The following DRG1 variants were observed in gnomAD, a reference collection of about 807,000 sequenced individuals.
DRG1 encodes the protein developmentally regulated GTP binding protein 1, also known as developmentally-regulated GTP-binding protein 1.
In DRG1, 19 loss-of-function variants were observed where a neutral mutation model predicts 38.8. The ratio of observed to expected loss-of-function variants is 0.49; its 90% confidence interval spans 0.34 to 0.72. The LOEUF (loss-of-function observed/expected upper bound fraction) is 0.72, where lower values mean the gene tolerates loss of function less well. Among genes scored for constraint, DRG1 ranks in the 30% least tolerant of loss-of-function variants. The pLI is 0.01. For missense variants in DRG1, 299 were observed against 444.8 expected, an observed-to-expected ratio of 0.67 and a Z score of 2.95; for synonymous variants, 167 against 157.5, an observed-to-expected ratio of 1.06 and a Z score of -0.45.
intron 6 of DRG1, among the ~76,000 whole-genome samples, chr22:31,424,673 T>C (rs1445942856): frequency 6.6e-6 from 1 of 151,214 alleles, no homozygotes; most frequent in Non-Finnish European, 1.5e-5. Flanking sequence ...TAATTTTTTG[T>C]ATTTTTAGTA....
Position 31,424,021 on chromosome 22 carries a change from C to T in DRG1, c.713+611C>T, listed in dbSNP as rs572397013. 1.1e-4 allele frequency among the ~76,000 whole-genome samples: 17 copies of T among 151,750 alleles called. No homozygotes were observed. The East Asian group carries it at 3.1e-3, about 28-fold the overall frequency. ...CTGGGATTACAGGCCTGTGCCGCCA[C>T]GCCTGGCTAATTTTGTATTTTTAAT... On this transcript the variant is annotated intron_variant, in intron 6 of 8. Coordinates refer to ENST00000331457, the MANE Select transcript of DRG1 (RefSeq NM_004147.4).
At chr22:31,428,604 A>C (rs2081409898) in intron 8 of DRG1, among the ~76,000 whole-genome samples, 1 of 152,216 alleles carries the variant, frequency 6.6e-6, no homozygotes, top group Admixed American at 6.5e-5. Context: ...CATTGGTATG[A>C]TGTTGTTAAC....
At chr22:31,421,634 G>T (rs879647486) in intron 5 of DRG1, among the ~76,000 whole-genome samples, 38 of 151,916 alleles carry the variant, frequency 2.5e-4, no homozygotes, top group Non-Finnish European at 1.9e-4. Context: ...CACTTTGGGA[G>T]GTTGAGGCAG....
intron 4 of DRG1, 94 bp from the exon 5 acceptor site, chr22:31,420,162 T>G (rs1388308766): frequency 2.8e-6 from 4 of 1,420,552 alleles, no homozygotes; most frequent in African/African-American, 1.4e-5. Flanking sequence ...CTTTGACACT[T>G]AAATGTAGGG....
chr22:31,400,498 CTT>C (rs2049954951), intron 1 of DRG1, 120 bp from the exon 2 acceptor site: 1 of 1,300,556 alleles, frequency 7.7e-7, no homozygotes, highest in Admixed American at 2.2e-5. Context: ...GACTTTTACT[CTT>C]TTAAAGCCTG....
At chr22:31,430,487 C>T (rs2050132830) in intron 8 of DRG1, among the ~76,000 whole-genome samples, 1 of 151,702 alleles carries the variant, frequency 6.6e-6, no homozygotes, top group Admixed American at 6.6e-5. Context: ...GCAAGCTCTG[C>T]TTCCCGGGTT....
chr22:31,411,359 A>T (rs553421321), intron 4 of DRG1, among the ~76,000 whole-genome samples: 4 of 151,740 alleles, frequency 2.6e-5, no homozygotes, highest in Non-Finnish European at 5.9e-5. Context: ...GTATTGGACA[A>T]TGCAGCTTTA....
chr22:31,430,773 C>T (rs1173383097), intron 8 of DRG1, among the ~76,000 whole-genome samples: 8 of 152,128 alleles, frequency 5.3e-5, no homozygotes, highest in East Asian at 3.9e-4. Flanking sequence ...GGCTGGAGTG[C>T]GGTGGCTCTG....
intron 4 of DRG1, among the ~76,000 whole-genome samples, chr22:31,414,846 C>A (rs545903297): frequency 6.7e-6 from 1 of 150,306 alleles, no homozygotes; most frequent in African/African-American, 2.5e-5. Flanking sequence ...GTGGCATGAT[C>A]ACAGCTCACT....
chr22:31,399,650 G>A lies in DRG1; in HGVS notation c.-34G>A. The A allele has an allele frequency of 6.2e-7, 1 of 1,614,018 alleles. No homozygotes were observed. The highest frequency in any genetic ancestry group is 8.5e-7 in the Non-Finnish European group (1 of 1,179,878). ...CAGTTTGCCCGCGGGTGTGTGAAGG[G>A]AGACAGTGTGGAGGCCACAGGGTAC... On this transcript the variant is annotated 5_prime_UTR_variant, in exon 1 of 9. Transcript: ENST00000331457.
intron 4 of DRG1, among the ~76,000 whole-genome samples, chr22:31,412,266 C>T (rs2145862571): frequency 6.6e-6 from 1 of 150,512 alleles, no homozygotes; most frequent in African/African-American, 2.4e-5. Flanking sequence ...CAGAGTGAGC[C>T]TCTGTGTTAG....
chr22:31,399,880 T>C (rs4820047), intron 1 of DRG1, among the ~76,000 whole-genome samples, 155 bp downstream of exon 1: 151,388 of 152,174 alleles, frequency 0.99, 75,306 homozygotes, highest in Middle Eastern at 1. Flanking sequence ...TCTGCCACGA[T>C]TAGGAGTCCC....
intron 4 of DRG1, among the ~76,000 whole-genome samples, chr22:31,412,648 C>T (rs998811799): frequency 2.5e-4 from 38 of 151,796 alleles, no homozygotes; most frequent in African/African-American, 8.9e-4. Flanking sequence ...CGTGCCTGGC[C>T]CTCTCTTTCT....
At chr22:31,402,904 T>A in intron 2 of DRG1, 125 bp from the exon 3 acceptor site, 2 of 1,089,710 alleles carry the variant, frequency 1.8e-6, no homozygotes, top group Admixed American at 5.5e-5. Context: ...CCTTTAAAGG[T>A]AAACCATAAA....
chr22:31,404,151 C>G (rs997217014), intron 3 of DRG1, among the ~76,000 whole-genome samples: 8 of 151,602 alleles, frequency 5.3e-5, no homozygotes, highest in African/African-American at 1.9e-4. Context: ...ATGGTGCTCT[C>G]TTTCCTCCCT....
At chr22:31,414,576 C>A (rs1180658001) in intron 4 of DRG1, among the ~76,000 whole-genome samples, 1 of 152,152 alleles carries the variant, frequency 6.6e-6, no homozygotes, top group East Asian at 1.9e-4. Context: ...ATCTTTTTTT[C>A]CCTTTCATCC....
chr22:31,433,991 C>A lies in DRG1; in HGVS notation c.*20C>A. ...AAGTGAAACCTTTCCCTTTTCCCAT[C>A]TGCCGGACGAACCACAACAGCGTTC... is the stretch of plus-strand genomic sequence containing the variant. On this transcript the variant is annotated 3_prime_UTR_variant, in exon 9 of 9. Coordinates refer to ENST00000331457, the MANE Select transcript of DRG1 (RefSeq NM_004147.4). 1 of 1,609,036 alleles carries A rather than the reference C, an allele frequency of 6.2e-7. No homozygotes were observed. The highest frequency in any genetic ancestry group is 8.5e-7 in the Non-Finnish European group (1 of 1,175,930).
intron 4 of DRG1, among the ~76,000 whole-genome samples, chr22:31,419,367 T>A (rs1198033762): frequency 1.3e-5 from 2 of 151,902 alleles, no homozygotes; most frequent in African/African-American, 4.8e-5. Flanking sequence ...TTTTTTTTTT[T>A]TTTATACAGA....
intron 6 of DRG1, 113 bp downstream of exon 6, chr22:31,423,523 CTTTTTTTTT>C: frequency 1.9e-5 from 9 of 478,098 alleles, no homozygotes; most frequent in Non-Finnish European, 2.9e-5. Flanking sequence ...GTCCTACTGT[CTTTTTTTTT>C]TTTTTTTTTT....
Sources: gnomAD v4.1 joint callset for allele counts (sites outside exome capture counted in the v4.1 genomes callset) on GRCh38, gnomAD v4.1.1 for gene constraint, MANE v1.5 for transcripts, NCBI Gene and HGNC (gene_info 2026-07-23, HGNC 2026-07-21) for gene names.